Variants in PTK2 observed in about 807,000 individuals in gnomAD.
The protein encoded by PTK2 is protein tyrosine kinase 2, also known as focal adhesion kinase 1.
A neutral mutation model predicts 150.1 loss-of-function variants in PTK2; 45 were observed. The ratio of observed to expected loss-of-function variants is 0.30; its 90% CI spans 0.24 to 0.38. The LOEUF (loss-of-function observed/expected upper bound fraction) is 0.38, where lower values mean the gene tolerates loss of function less well. PTK2 is among the 10% of genes least tolerant of loss of function. PTK2 has a pLI of 1.00. For missense variants in PTK2, 919 were observed against 1,307.3 expected (o/e 0.70, Z 4.58); for synonymous variants, 432 against 449.2 (o/e 0.96, Z 0.48).
chr8:140,802,725 T>G (rs2100095835), intron 11 of PTK2, among the ~76,000 whole-genome samples: 1 of 152,202 alleles, frequency 6.6e-6, no homozygotes, highest in Non-Finnish European at 1.5e-5. Flanking sequence ...TATGTTTACA[T>G]ATATTTAGAG....
chr8:140,895,150 A>T (rs932864038), intron 2 of PTK2, among the ~76,000 whole-genome samples: 3 of 152,266 alleles, frequency 2.0e-5, no homozygotes, highest in Admixed American at 1.3e-4. Context: ...AGTCAAAAAG[A>T]AACTCAAAGT....
chr8:140,721,370 C>A (rs1365748408), intron 22 of PTK2, among the ~76,000 whole-genome samples: 3 of 152,266 alleles, frequency 2.0e-5, no homozygotes, highest in Non-Finnish European at 4.4e-5. Context: ...TGTCTTTGAA[C>A]TTGACAAATG....
At chr8:140,904,251 G>A (rs1001320691) in intron 2 of PTK2, among the ~76,000 whole-genome samples, 5 of 151,908 alleles carry the variant, frequency 3.3e-5, no homozygotes, top group African/African-American at 1.2e-4. Flanking sequence ...TGCATCTATT[G>A]ATAATCATGG....
chr8:140,961,788 C>G (rs1420316498), intron 1 of PTK2, among the ~76,000 whole-genome samples: 1 of 151,954 alleles, frequency 6.6e-6, no homozygotes, highest in East Asian at 1.9e-4. Flanking sequence ...TGATTTAAGC[C>G]TGGTAAGGAA....
intron 2 of PTK2, chr8:140,892,508 C>A: frequency 3.1e-6 from 1 of 322,392 alleles, no homozygotes; most frequent in Non-Finnish European, 6.0e-6. Flanking sequence ...TGCTTTCCAG[C>A]CAGGGCGACA....
chr8:140,753,437 C>T (rs933529962), intron 16 of PTK2, among the ~76,000 whole-genome samples: 4 of 152,146 alleles, frequency 2.6e-5, no homozygotes, highest in South Asian at 2.1e-4. Context: ...CTGTGACTGG[C>T]GTTCAAGAAA....
At chr8:140,960,251 C>T (rs1330881955) in intron 1 of PTK2, among the ~76,000 whole-genome samples, 5 of 123,314 alleles carry the variant, frequency 4.1e-5, no homozygotes, top group African/African-American at 1.6e-4. Flanking sequence ...CAGGCTGGAG[C>T]GCAATGGCAC....
chr8:140,902,866 A>T (rs1308098425), intron 2 of PTK2, among the ~76,000 whole-genome samples: 1 of 146,906 alleles, frequency 6.8e-6, no homozygotes, highest in Non-Finnish European at 1.5e-5. Context: ...AGTCAGATAG[A>T]CAGATTACAA....
chr8:140,701,231 C>T (rs988069889), intron 25 of PTK2, among the ~76,000 whole-genome samples: 1 of 152,116 alleles, frequency 6.6e-6, no homozygotes, highest in Non-Finnish European at 1.5e-5. Context: ...TCCTTTAGCT[C>T]ACAGATTCAC....
At chr8:140,833,165 A>C (rs775475885) in intron 7 of PTK2, 1 of 419,754 alleles carries the variant, frequency 2.4e-6, no homozygotes, top group Non-Finnish European at 4.6e-6. Context: ...AAAGGTGAAG[A>C]CAACTCCATT....
At chr8:140,742,093 G>A (rs760648761) in intron 20 of PTK2, among the ~76,000 whole-genome samples, 6 of 152,148 alleles carry the variant, frequency 3.9e-5, no homozygotes, top group South Asian at 2.1e-4. Flanking sequence ...CCATGTTTGC[G>A]CCACTGCACT....
At chr8:140,914,365 T>C (rs1044580440) in intron 2 of PTK2, among the ~76,000 whole-genome samples, 10 of 151,806 alleles carry the variant, frequency 6.6e-5, no homozygotes, top group African/African-American at 2.4e-4. Flanking sequence ...ATCAAAGATT[T>C]GTGAACACTT....
At chr8:140,684,072 CTG>C (rs2100018467) in intron 27 of PTK2, among the ~76,000 whole-genome samples, 4 of 152,126 alleles carry the variant, frequency 2.6e-5, no homozygotes, top group Admixed American at 2.6e-4. Flanking sequence ...GATCAAACTT[CTG>C]TGTTTGTAGA....
At chr8:140,795,066 A>G (rs2100090802) in intron 12 of PTK2, among the ~76,000 whole-genome samples, 2 of 152,118 alleles carry the variant, frequency 1.3e-5, no homozygotes, top group South Asian at 4.1e-4. Context: ...AACTCTATCC[A>G]AAGTCCTCTT....
intron 4 of PTK2, among the ~76,000 whole-genome samples, chr8:140,878,685 C>T (rs1307415514): frequency 1.3e-5 from 2 of 152,032 alleles, no homozygotes; most frequent in Non-Finnish European, 2.9e-5. Context: ...GTTACTGACC[C>T]TTTGAATGCA....
chr8:140,897,228 AAC>A (rs2100156661), intron 2 of PTK2, among the ~76,000 whole-genome samples: 1 of 152,210 alleles, frequency 6.6e-6, no homozygotes, highest in Non-Finnish European at 1.5e-5. Flanking sequence ...ATTCTCCATA[AAC>A]AGGCCTTCAT....
intron 2 of PTK2, among the ~76,000 whole-genome samples, chr8:140,907,028 C>T (rs1402176178): frequency 1.3e-5 from 2 of 152,202 alleles, no homozygotes; most frequent in African/African-American, 2.4e-5. Context: ...GAAGACACAA[C>T]AAGCAGATCT....
intron 31 of PTK2, among the ~76,000 whole-genome samples, chr8:140,660,841 T>A (rs868753477): frequency 1.3e-5 from 2 of 152,248 alleles, no homozygotes; most frequent in African/African-American, 4.8e-5. Flanking sequence ...TCATGATCCT[T>A]CTTATCTGTT....
chr8:140,727,529 G>GA (rs1245613369), intron 22 of PTK2, among the ~76,000 whole-genome samples: 4 of 150,972 alleles, frequency 2.6e-5, no homozygotes, highest in Non-Finnish European at 5.9e-5. Context: ...GACTAAGGAG[G>GA]AATTTAGACA....
Sources: gnomAD v4.1 joint callset for allele counts (sites outside exome capture counted in the v4.1 genomes callset) on GRCh38, gnomAD v4.1.1 for gene constraint, MANE v1.5 for transcripts, NCBI Gene and HGNC (gene_info 2026-07-23, HGNC 2026-07-21) for gene names.